Variants in COL14A1 observed in about 807,000 individuals in gnomAD.
The protein encoded by COL14A1 is collagen alpha-1(XIV) chain.
In COL14A1, 136 loss-of-function variants were observed where a neutral mutation model predicts 230.3. That is an observed-to-expected ratio of 0.59 (90% CI 0.51 to 0.68). COL14A1 has a LOEUF of 0.68. Among genes scored for constraint, COL14A1 ranks in the 30% least tolerant of loss-of-function variants. The pLI is 0.00. For synonymous variants in COL14A1, 792 were observed against 784.1 expected, an observed-to-expected ratio of 1.01 and a Z score of -0.17; for missense variants, 1,976 against 2,215.8, an observed-to-expected ratio of 0.89 and a Z score of 2.17.
chr8:120,252,290 T>TGG (rs1198525717), intron 22 of COL14A1, among the ~76,000 whole-genome samples: 2 of 152,226 alleles, frequency 1.3e-5, no homozygotes, highest in East Asian at 3.8e-4. Context: ...CACCCGTCAC[T>TGG]GGAGCACTGT....
At chr8:120,230,853 A>G (rs961140139) in intron 18 of COL14A1, among the ~76,000 whole-genome samples, 3 of 152,236 alleles carry the variant, frequency 2.0e-5, no homozygotes, top group Admixed American at 6.5e-5. Context: ...AAAAAATGCA[A>G]CAAATAAGGG....
intron 35 of COL14A1, among the ~76,000 whole-genome samples, chr8:120,299,222 T>G (rs555148260): frequency 1.3e-5 from 2 of 152,148 alleles, no homozygotes; most frequent in South Asian, 4.1e-4. Flanking sequence ...TCAGTAAGAC[T>G]TACCGTATCA....
intron 1 of COL14A1, among the ~76,000 whole-genome samples, chr8:120,130,259 G>A (rs1814483899): frequency 6.6e-6 from 1 of 152,190 alleles, no homozygotes; most frequent in African/African-American, 2.4e-5. Context: ...ATTGGCATAA[G>A]CTCCTTATCT....
chr8:120,229,366 GT>G (rs1818194748), intron 18 of COL14A1, among the ~76,000 whole-genome samples: 1 of 149,106 alleles, frequency 6.7e-6, no homozygotes, highest in African/African-American at 2.5e-5. Flanking sequence ...GTGGTGTTTG[GT>G]TTTTTGTCCT....
At chr8:120,322,746 G>T (rs1483909701) in intron 40 of COL14A1, among the ~76,000 whole-genome samples, 1 of 151,356 alleles carries the variant, frequency 6.6e-6, no homozygotes, top group Non-Finnish European at 1.5e-5. Flanking sequence ...TTTTATGGCT[G>T]CATAGTATTC....
chr8:120,129,449 C>T (rs1814457268), intron 1 of COL14A1, among the ~76,000 whole-genome samples: 1 of 152,188 alleles, frequency 6.6e-6, no homozygotes, highest in Non-Finnish European at 1.5e-5. Flanking sequence ...ATTCTTGTGT[C>T]AAGCAGCTGT....
chr8:120,191,819 T>C (rs1282788223), intron 5 of COL14A1, among the ~76,000 whole-genome samples: 5 of 152,190 alleles, frequency 3.3e-5, no homozygotes, highest in East Asian at 3.9e-4. Context: ...TTGTCTCTTT[T>C]GATCTTTGAT....
intron 45 of COL14A1, among the ~76,000 whole-genome samples, chr8:120,362,277 GCCTGC>G (rs1445367729): frequency 6.6e-6 from 1 of 152,164 alleles, no homozygotes; most frequent in African/African-American, 2.4e-5. Flanking sequence ...TAATAGCAGT[GCCTGC>G]CCTCTTGGCT....
intron 19 of COL14A1, among the ~76,000 whole-genome samples, chr8:120,235,272 C>T (rs1254241221): frequency 2.0e-5 from 3 of 152,020 alleles, no homozygotes; most frequent in South Asian, 2.1e-4. Context: ...TGGGTTCCAG[C>T]GATTCTCCTG....
intron 45 of COL14A1, among the ~76,000 whole-genome samples, chr8:120,364,184 G>C (rs138768389): frequency 4.4e-4 from 67 of 152,194 alleles, no homozygotes; most frequent in Non-Finnish European, 4.9e-4. Flanking sequence ...CCTTGGTTCT[G>C]TGCAAAAGAG....
At chr8:120,365,746 G>A (rs1823387471) in intron 45 of COL14A1, among the ~76,000 whole-genome samples, 1 of 152,192 alleles carries the variant, frequency 6.6e-6, no homozygotes, top group Non-Finnish European at 1.5e-5. Context: ...TGAACAGAAA[G>A]TCACAGGCAT....
At chr8:120,145,760 A>G (rs1018459583) in intron 1 of COL14A1, among the ~76,000 whole-genome samples, 2 of 152,198 alleles carry the variant, frequency 1.3e-5, no homozygotes, top group Admixed American at 6.5e-5. Context: ...GTATAAACGA[A>G]ATTTGGAAGC....
intron 46 of COL14A1, among the ~76,000 whole-genome samples, chr8:120,368,170 C>G (rs1823472005): frequency 6.6e-6 from 1 of 151,998 alleles, no homozygotes; most frequent in Non-Finnish European, 1.5e-5. Context: ...GTATTATATG[C>G]TTTTAGAATG....
intron 36 of COL14A1, among the ~76,000 whole-genome samples, chr8:120,305,063 C>G (rs895021132): frequency 6.6e-5 from 10 of 152,008 alleles, no homozygotes; most frequent in African/African-American, 2.4e-4. Context: ...ACCACAACCT[C>G]TGCCTCCCAG....
At chr8:120,158,592 A>G (rs929405063) in intron 3 of COL14A1, among the ~76,000 whole-genome samples, 11 of 152,326 alleles carry the variant, frequency 7.2e-5, no homozygotes, top group Non-Finnish European at 1.5e-4. Flanking sequence ...TTATTAATTA[A>G]CTCAATAGAA....
At chr8:120,339,394 C>A (rs1341324601) in intron 42 of COL14A1, among the ~76,000 whole-genome samples, 1 of 152,196 alleles carries the variant, frequency 6.6e-6, no homozygotes, top group Non-Finnish European at 1.5e-5. Context: ...TCAGAAGGAT[C>A]CTTTGTGAGG....
At chr8:120,276,068 T>A (rs1819831338) in intron 26 of COL14A1, among the ~76,000 whole-genome samples, 1 of 151,658 alleles carries the variant, frequency 6.6e-6, no homozygotes, top group Non-Finnish European at 1.5e-5. Context: ...TGCAAAGATA[T>A]AGAACCAACT....
chr8:120,291,962 C>G (rs552362713), intron 34 of COL14A1, among the ~76,000 whole-genome samples: 2 of 152,196 alleles, frequency 1.3e-5, no homozygotes, highest in East Asian at 3.9e-4. Context: ...AGAGTAAGTT[C>G]TCAAGAAACA....
At chr8:120,218,556 C>T (rs904341558) in intron 14 of COL14A1, among the ~76,000 whole-genome samples, 4 of 152,178 alleles carry the variant, frequency 2.6e-5, no homozygotes, top group Admixed American at 6.5e-5. Flanking sequence ...GCAATCCGCC[C>T]GCCTAGGCCT....
Sources: gnomAD v4.1 joint callset for allele counts (sites outside exome capture counted in the v4.1 genomes callset) on GRCh38, gnomAD v4.1.1 for gene constraint, MANE v1.5 for transcripts, NCBI Gene and HGNC (gene_info 2026-07-23, HGNC 2026-07-21) for gene names.